TATDN3: variants seen among roughly 807,000 people sequenced by gnomAD.
TATDN3 encodes TatD DNase domain containing 3.
Under a neutral mutation model 40.1 loss-of-function variants are expected in TATDN3, and 29 were observed. The ratio of observed to expected loss-of-function variants is 0.72; its 90% CI spans 0.54 to 0.99. The LOEUF is 0.99. TATDN3 is among the 50% of genes least tolerant of loss of function. TATDN3 has a pLI of 0.00. For missense variants in TATDN3, 309 were observed against 321.9 expected (o/e 0.96, Z 0.31); for synonymous variants, 105 against 117.0 (o/e 0.90, Z 0.66).
rs1267008213 is a variant in TATDN3 at position 212,796,585 on chromosome 1, A to G, written c.168A>G (p.Ser56=). 3.2e-6 allele frequency: 5 copies of G among 1,576,738 alleles called. No homozygotes were observed. Among genetic ancestry groups the G allele is most frequent in the South Asian group, 1.2e-5 (1 of 83,490 alleles). ...AATTTGAAAAGATTATGCAACTTTC[A>G]GAAAGGTGCTACTTTTAATTAAGAT... ...SGEFEKIMQL[S]ERYNGFVLPC... Residue 56 remains serine, a synonymous_variant, in exon 3 of 10, where the codon TCA becomes TCG. Coordinates refer to ENST00000366974, the MANE Select transcript of TATDN3 (RefSeq NM_001042552.3).
chr1:212,797,313 A>T, intron 4 of TATDN3, 117 bp downstream of exon 4: 1 of 751,732 alleles, frequency 1.3e-6, no homozygotes, highest in South Asian at 1.9e-5. Flanking sequence ...AGAAGGAAAC[A>T]TTACCTTCTT....
intron 9 of TATDN3, among the ~76,000 whole-genome samples, chr1:212,814,123 C>G (rs1008080080): frequency 6.6e-6 from 1 of 151,866 alleles, no homozygotes; most frequent in African/African-American, 2.4e-5. Context: ...CCTGGCTGAA[C>G]CTCTGTATAT....
intron 4 of TATDN3, among the ~76,000 whole-genome samples, chr1:212,802,229 A>G (rs979572535): frequency 2.6e-5 from 4 of 152,250 alleles, no homozygotes; most frequent in African/African-American, 9.6e-5. Context: ...AAGCAGGGCT[A>G]TAAAGACAAA....
intron 5 of TATDN3, among the ~76,000 whole-genome samples, chr1:212,803,473 C>T (rs1018714845): frequency 6.6e-6 from 1 of 152,000 alleles, no homozygotes; most frequent in Non-Finnish European, 1.5e-5. Context: ...CTTGAGCAAT[C>T]GTGCCCGGCC....
At chr1:212,804,558 G>T (rs781534533) in intron 6 of TATDN3, 38 bp from the exon 7 acceptor site, 1 of 1,599,754 alleles carries the variant, frequency 6.3e-7, no homozygotes, top group Non-Finnish European at 8.5e-7. Flanking sequence ...AATACTTTCA[G>T]AATGGTACTT....
At position 212,806,803 on chromosome 1, in the gene TATDN3, T is replaced by C. The variant is rs1186087475; in HGVS notation, c.488-933T>C. ...ATATATACACACACACACACACATA[T>C]ATACACATATATACACATATATACA... On this transcript the variant is annotated intron_variant, in intron 7 of 9. Coordinates refer to ENST00000366974, the MANE Select transcript of TATDN3 (RefSeq NM_001042552.3). 2.5e-3 allele frequency among the ~76,000 whole-genome samples: 285 copies of C among 112,576 alleles called. 33 individuals carry two copies. Among genetic ancestry groups the C allele is most frequent in the African/African-American group, 9.1e-3 (266 of 29,240 alleles). 73.9% of individuals were successfully genotyped at this position (112,576 alleles called of 152,430 possible).
chr1:212,795,042 A>G, intron 1 of TATDN3, 53 bp from the exon 2 acceptor site: 1 of 1,432,708 alleles, frequency 7.0e-7, no homozygotes, highest in Non-Finnish European at 9.8e-7. Flanking sequence ...ATACAGTCCA[A>G]GATTAGCTGC....
In TATDN3 at chr1:212,816,552, GTTAAA is replaced by G. The variant is rs1188095642; in HGVS notation, c.*1400_*1404del. 6.6e-6 allele frequency: 1 copy of G among 152,032 alleles called. No homozygotes were observed. Among genetic ancestry groups the G allele is most frequent in the Non-Finnish European group, 1.5e-5 (1 of 67,998 alleles). 9.4% of individuals were successfully genotyped at this position (152,032 alleles called of 1,614,324 possible). On this transcript the variant is annotated 3_prime_UTR_variant, in exon 10 of 10. Transcript: ENST00000366974. ...TATCAAAACTTAGGTATTTAATCTTGTTAAATTATATAAGCAGAAAATGCTGGAAA... is the reference window on the plus strand; with the variant it reads ...TATCAAAACTTAGGTATTTAATCTTGTTATATAAGCAGAAAATGCTGGAAA...
At chr1:212,798,551 A>G (rs1661964687) in intron 4 of TATDN3, among the ~76,000 whole-genome samples, 1 of 151,442 alleles carries the variant, frequency 6.6e-6, no homozygotes, top group South Asian at 2.1e-4. Flanking sequence ...AAAAAAAAAA[A>G]AAAAAAAGAA....
intron 7 of TATDN3, 140 bp downstream of exon 7, chr1:212,804,791 T>C: frequency 1.5e-6 from 1 of 687,266 alleles, no homozygotes; most frequent in South Asian, 1.9e-5. Context: ...TCTAAGATGA[T>C]GTTGCAGGTC....
At chr1:212,810,282 G>T (rs967063275) in intron 8 of TATDN3, among the ~76,000 whole-genome samples, 1 of 151,964 alleles carries the variant, frequency 6.6e-6, no homozygotes, top group Non-Finnish European at 1.5e-5. Context: ...GGCCAAGGCG[G>T]GTGGATCACG....
chr1:212,804,277 C>A, intron 5 of TATDN3, 43 bp from the exon 6 acceptor site: 1 of 1,433,160 alleles, frequency 7.0e-7, no homozygotes, highest in Non-Finnish European at 9.8e-7. Context: ...TTTTGAGGTT[C>A]CTTAAACCTA....
Position 212,812,330 on chromosome 1 carries a change from T to C in TATDN3, c.681+2T>C. 1 of 1,428,608 alleles carries C rather than the reference T, an allele frequency of 7.0e-7. No individual in the cohort carries two copies. The highest frequency in any genetic ancestry group is 9.6e-7 in the Non-Finnish European group (1 of 1,041,028). The allele number at this position is 1,428,608 out of a possible 1,614,324, so 88.5% of individuals were successfully genotyped here. On this transcript the variant is annotated splice_donor_variant, in intron 9 of 9. Coordinates refer to ENST00000366974, the MANE Select transcript of TATDN3 (RefSeq NM_001042552.3). LOFTEE classifies it high-confidence loss of function. ...CCTGCACTAGGACCAGAAAAACAGGTAAATGGTTTTCTAATTTCTATATTA... is the reference window on the plus strand; with the variant it reads ...CCTGCACTAGGACCAGAAAAACAGGCAAATGGTTTTCTAATTTCTATATTA...
intron 7 of TATDN3, 115 bp downstream of exon 7, chr1:212,804,766 G>A: frequency 1.2e-6 from 1 of 841,904 alleles, no homozygotes; most frequent in Non-Finnish European, 1.9e-6. Flanking sequence ...GGGGCAAGAA[G>A]GGGGGCAGAA....
intron 9 of TATDN3, among the ~76,000 whole-genome samples, 169 bp downstream of exon 9, chr1:212,812,497 C>T (rs759432380): frequency 3.3e-5 from 5 of 152,048 alleles, no homozygotes; most frequent in South Asian, 2.1e-4. Context: ...ATAGCTGTTG[C>T]ACTCCAGAGA....
In TATDN3 at chr1:212,797,093, G is replaced by A; in HGVS notation, c.174-19G>A. 6.2e-7 allele frequency: 1 copy of A among 1,601,270 alleles called. No individual in the cohort carries two copies. Among genetic ancestry groups the A allele is most frequent in the African/African-American group, 1.3e-5 (1 of 74,768 alleles). The stretch of plus-strand genomic sequence containing the variant: ...CTAGTCTACTGTTCCTGCTTTCTCA[G>A]TTGGTTCTACATTTTTAGGTATAAT... On this transcript the variant is annotated intron_variant, in intron 3 of 9. Coordinates refer to ENST00000366974, the MANE Select transcript of TATDN3 (RefSeq NM_001042552.3).
chr1:212,806,933 T>TA (rs1662575347), intron 7 of TATDN3, among the ~76,000 whole-genome samples: 3 of 101,464 alleles, frequency 3.0e-5, no homozygotes, highest in African/African-American at 1.0e-4. Context: ...TATATATATA[T>TA]TTATTTATTT....
chr1:212,801,573 G>A (rs958116549), intron 4 of TATDN3, among the ~76,000 whole-genome samples: 1 of 152,088 alleles, frequency 6.6e-6, no homozygotes, highest in Non-Finnish European at 1.5e-5. Flanking sequence ...TAATTTCTGT[G>A]ACTCAGGCTT....
chr1:212,812,808 G>C (rs1662967818), intron 9 of TATDN3, among the ~76,000 whole-genome samples: 1 of 152,162 alleles, frequency 6.6e-6, no homozygotes, highest in African/African-American at 2.4e-5. Context: ...TTCGAGACCA[G>C]CTTGACTAAC....
Sources: allele counts gnomAD v4.1 joint callset (sites outside exome capture counted in the v4.1 genomes callset), GRCh38; gene constraint gnomAD v4.1.1; transcripts MANE v1.5; gene names NCBI Gene and HGNC (gene_info 2026-07-23, HGNC 2026-07-21).